The following ARPP21 variants were observed in gnomAD, a reference collection of about 807,000 sequenced individuals.
The protein encoded by ARPP21 is cAMP-regulated phosphoprotein 21.
ARPP21 carries 69 observed loss-of-function variants against 113.2 expected under a neutral mutation model. The ratio of observed to expected loss-of-function variants is 0.61; its 90% CI spans 0.50 to 0.74. The LOEUF (loss-of-function observed/expected upper bound fraction) is 0.74. ARPP21 is among the 30% of genes least tolerant of loss of function. The probability of loss-of-function intolerance (pLI) is 0.00; values close to 1 mark genes in which losing one functional copy is unlikely to be tolerated. For missense variants in ARPP21, 1,070 were observed against 1,037.4 expected, an observed-to-expected ratio of 1.03 and a Z score of -0.43; for synonymous variants, 368 against 375.5, an observed-to-expected ratio of 0.98 and a Z score of 0.23.
rs1321019566 is a variant in ARPP21, at chr3:35,683,729, G to A, written c.175G>A (p.Gly59Arg). The A allele has an allele frequency of 7.2e-6, 9 of 1,253,452 alleles. No individual in the cohort carries two copies. The highest frequency in any genetic ancestry group is 1.1e-5 in the Non-Finnish European group (9 of 854,892). The allele number at this position is 1,253,452 out of a possible 1,614,324, so 77.6% of individuals were successfully genotyped here. A position where few individuals can be genotyped will look rare whatever the true frequency, so the allele number is the denominator to read the frequency against. ...CCTTTTCTTTCCCCCCTCCTAGTCAGGAGCAGGAAAAGGTAAACTGACTCG... is the reference window on the plus strand; with the variant it reads ...CCTTTTCTTTCCCCCCTCCTAGTCAAGAGCAGGAAAAGGTAAACTGACTCG... The part of the protein sequence containing the change: ...QNQERRKSKS[G>R]AGKGKLTRSL... The change falls in exon 5 of 21, where the codon GGA becomes AGA. Residue 59 changes from glycine to arginine, a missense_variant. Physicochemically the swap from Gly to Arg is moderately radical, Grantham distance 125 (BLOSUM62 -2). Transcript: ENST00000684406.
intron 6 of ARPP21, 119 bp downstream of exon 6, chr3:35,688,002 G>C: frequency 1.1e-6 from 1 of 894,852 alleles, no homozygotes; most frequent in Non-Finnish European, 1.7e-6. Context: ...GATTCTATAC[G>C]TGTACGTATC....
chr3:35,670,892 C>A (rs558834096), intron 1 of ARPP21, among the ~76,000 whole-genome samples: 40 of 152,298 alleles, frequency 2.6e-4, no homozygotes, highest in African/African-American at 9.6e-4. Context: ...CCTGCGGGCC[C>A]TCTCTGTCCA....
At chr3:35,703,095 G>A (rs2087113048) in intron 9 of ARPP21, among the ~76,000 whole-genome samples, 1 of 151,792 alleles carries the variant, frequency 6.6e-6, no homozygotes, top group Admixed American at 6.6e-5. Context: ...TACATATTCA[G>A]TAGAATTAAA....
chr3:35,707,423 A>T, intron 10 of ARPP21: 1 of 498,942 alleles, frequency 2.0e-6, no homozygotes, highest in Non-Finnish European at 3.9e-6. Context: ...TGTCTGTGTA[A>T]CTATGGCAGT....
At chr3:35,714,707 G>A (rs2150152745) in intron 11 of ARPP21, among the ~76,000 whole-genome samples, 1 of 152,174 alleles carries the variant, frequency 6.6e-6, no homozygotes, top group African/African-American at 2.4e-5. Context: ...AATGGTAATG[G>A]AATTTTGTCC....
intron 16 of ARPP21, among the ~76,000 whole-genome samples, 173 bp downstream of exon 16, chr3:35,737,535 A>C (rs971929138): frequency 3.9e-5 from 6 of 152,248 alleles, no homozygotes; most frequent in Non-Finnish European, 7.3e-5. Context: ...TGAATCCTTA[A>C]GTTTAGATAG....
At chr3:35,786,823 C>T (rs977964658) in intron 19 of ARPP21, among the ~76,000 whole-genome samples, 4 of 152,024 alleles carry the variant, frequency 2.6e-5, no homozygotes, top group Admixed American at 1.3e-4. Flanking sequence ...TTCTGCTTTA[C>T]GTGAGGGAGA....
chr3:35,715,514 C>G (rs370645520), intron 12 of ARPP21, 38 bp downstream of exon 12: 1 of 1,513,972 alleles, frequency 6.6e-7, no homozygotes, highest in Non-Finnish European at 9.2e-7. Context: ...TTTAGAGGAA[C>G]AACGTCTGTC....
intron 19 of ARPP21, among the ~76,000 whole-genome samples, chr3:35,772,744 G>A (rs1260999697): frequency 6.6e-6 from 1 of 152,140 alleles, no homozygotes; most frequent in Non-Finnish European, 1.5e-5. Flanking sequence ...TCATCTGTGT[G>A]GCAATCACAG....
At chr3:35,742,154 C>T (rs1466073235) in intron 18 of ARPP21, among the ~76,000 whole-genome samples, 1 of 152,054 alleles carries the variant, frequency 6.6e-6, no homozygotes, top group African/African-American at 2.4e-5. Context: ...TTATATTGAA[C>T]ATAAGAAGGG....
At chr3:35,780,430 A>G (rs770313852) in intron 19 of ARPP21, among the ~76,000 whole-genome samples, 12 of 152,184 alleles carry the variant, frequency 7.9e-5, no homozygotes, top group South Asian at 4.1e-4. Context: ...CCACTGGTGT[A>G]TGTCCTACAA....
intron 18 of ARPP21, among the ~76,000 whole-genome samples, chr3:35,742,067 A>G (rs1447354718): frequency 2.0e-5 from 3 of 152,216 alleles, no homozygotes; most frequent in Admixed American, 2.0e-4. Flanking sequence ...ATGCAGCTGT[A>G]CTTTTATTGT....
At chr3:35,727,403 T>C (rs957126382) in intron 14 of ARPP21, among the ~76,000 whole-genome samples, 3 of 152,236 alleles carry the variant, frequency 2.0e-5, no homozygotes, top group African/African-American at 7.2e-5. Flanking sequence ...TTAGTCATCA[T>C]TTAAGTGTTT....
intron 11 of ARPP21, among the ~76,000 whole-genome samples, chr3:35,712,903 G>A (rs1488470374): frequency 2.0e-5 from 3 of 152,144 alleles, no homozygotes; most frequent in Non-Finnish European, 2.9e-5. Flanking sequence ...AATTGATAAA[G>A]CAATATACTT....
chr3:35,696,478 G>A lies in ARPP21; in HGVS notation c.686+5473G>A, dbSNP rs145179856. Among the ~76,000 whole-genome samples the A allele has an allele frequency of 4.4e-3, 673 of 151,508 alleles. 2 individuals are homozygous for A. The highest frequency in any genetic ancestry group is 0.015 in the African/African-American group (636 of 41,408). ...TCTACAAATTGGGTCTTAATAGCTG[G>A]GACTCCTGTAACAAATAGAGTCACT... On this transcript the variant is annotated intron_variant, in intron 9 of 20. Coordinates refer to ENST00000684406, the MANE Select transcript of ARPP21 (RefSeq NM_001385562.1).
chr3:35,660,044 C>A lies in ARPP21; in HGVS notation c.-213+19646C>A, dbSNP rs539790878. Among the ~76,000 whole-genome samples the A allele has an allele frequency of 8.5e-5, 13 of 152,258 alleles. No homozygotes were observed. In the East Asian group the frequency reaches 2.3e-3, roughly 27 times the overall value. On this transcript the variant is annotated intron_variant, in intron 1 of 20. Transcript: ENST00000684406. ...TGAGAGGCTTTGCCAAGGGACAGAT[C>A]AATGTTCTAGCCCTGACAAGCCTTC...
intron 19 of ARPP21, among the ~76,000 whole-genome samples, chr3:35,773,382 C>T (rs1195098071): frequency 4.6e-5 from 7 of 152,002 alleles, no homozygotes; most frequent in Non-Finnish European, 7.4e-5. Context: ...AAGTAACTGC[C>T]GTAGGATATA....
chr3:35,745,538 A>G (rs1243939303), intron 19 of ARPP21, among the ~76,000 whole-genome samples: 1 of 152,222 alleles, frequency 6.6e-6, no homozygotes, highest in Non-Finnish European at 1.5e-5. Context: ...GTGTCATCAT[A>G]CAAAGAAACG....
chr3:35,740,969 G>A (rs1414557864), intron 18 of ARPP21, among the ~76,000 whole-genome samples: 3 of 152,006 alleles, frequency 2.0e-5, no homozygotes, highest in Admixed American at 6.6e-5. Flanking sequence ...GGGTGTGGTG[G>A]CACATTCTTG....
Sources: gnomAD v4.1 joint callset for allele counts (sites outside exome capture counted in the v4.1 genomes callset) on GRCh38, gnomAD v4.1.1 for gene constraint, MANE v1.5 for transcripts, NCBI Gene and HGNC (gene_info 2026-07-23, HGNC 2026-07-21) for gene names.